The following ANK3 variants were observed in gnomAD, a reference collection of about 807,000 sequenced individuals.
ANK3 encodes ankyrin 3, also known as ankyrin-3.
Under a neutral mutation model 370.9 loss-of-function variants are expected in ANK3, and 57 were observed. That is an observed-to-expected ratio of 0.15 (90% CI 0.12 to 0.19). The LOEUF is 0.19. ANK3 is among the 10% of genes least tolerant of loss of function. ANK3 has a pLI of 1.00. For missense variants in ANK3, 4,439 were observed against 5,302.1 expected, an observed-to-expected ratio of 0.84 and a Z score of 5.06; for synonymous variants, 1,929 against 1,946.3, an observed-to-expected ratio of 0.99 and a Z score of 0.23.
intron 7 of ANK3, among the ~76,000 whole-genome samples, chr10:60,239,261 A>T (rs1457248262): frequency 6.6e-6 from 1 of 152,138 alleles, no homozygotes; most frequent in African/African-American, 2.4e-5. Context: ...GGAGTGATGA[A>T]AGGCAGAAAA....
intron 1 of ANK3, among the ~76,000 whole-genome samples, chr10:60,717,396 T>G (rs780120528): frequency 3.9e-5 from 6 of 152,172 alleles, no homozygotes; most frequent in Non-Finnish European, 5.9e-5. Context: ...CAGAGTCTAG[T>G]GTAGACACAG....
intron 5 of ANK3, among the ~76,000 whole-genome samples, chr10:60,267,316 G>A (rs1350582114): frequency 3.3e-5 from 5 of 152,046 alleles, no homozygotes; most frequent in Non-Finnish European, 4.4e-5. Flanking sequence ...ATTTCCTGTT[G>A]TTGTTCTTAT....
intron 4 of ANK3, among the ~76,000 whole-genome samples, chr10:60,273,842 T>C (rs1417167886): frequency 6.6e-6 from 1 of 152,214 alleles, no homozygotes; most frequent in African/African-American, 2.4e-5. Flanking sequence ...CCTGCCACCA[T>C]GTAAAATGTG....
intron 7 of ANK3, among the ~76,000 whole-genome samples, chr10:60,248,404 AT>A (rs891230582): frequency 9.2e-5 from 14 of 152,020 alleles, no homozygotes; most frequent in African/African-American, 1.7e-4. Context: ...TTAAATATAT[AT>A]TTTTTCAGGC....
In ANK3 at chr10:60,237,372, C is replaced by T. The variant is rs566334820; in HGVS notation, c.799-2586G>A. Among the ~76,000 whole-genome samples, 72 of 152,258 alleles carry T rather than the reference C, an allele frequency of 4.7e-4. 3 individuals are homozygous for T. The Middle Eastern group carries it at 0.02, about 43-fold the overall frequency. On this transcript the variant is annotated intron_variant, in intron 7 of 43. Transcript: ENST00000280772. ...ACTGAGCCCCAAGTGGGACGTGACACGAAGACCTCATCACTTCCCAGTGTG... is the reference window on the plus strand; with the variant it reads ...ACTGAGCCCCAAGTGGGACGTGACATGAAGACCTCATCACTTCCCAGTGTG...
Position 60,159,851 on chromosome 10 carries a change from T to A in ANK3, c.2614+6740A>T, listed in dbSNP as rs537375444. Among the ~76,000 whole-genome samples the A allele has an allele frequency of 2.6e-4, 39 of 152,038 alleles. 1 individual carries two copies. The Middle Eastern group carries it at 0.01, about 40-fold the overall frequency. ...CAACGAATAAATTAAAAAGAAAATTTTTAAAATTTCTTGAAACAAAAGAAA... is the reference window on the plus strand; with the variant it reads ...CAACGAATAAATTAAAAAGAAAATTATTAAAATTTCTTGAAACAAAAGAAA... On this transcript the variant is annotated intron_variant, in intron 23 of 43. Transcript: ENST00000280772.
At chr10:60,274,259 A>G (rs1198026181) in intron 4 of ANK3, among the ~76,000 whole-genome samples, 1 of 152,116 alleles carries the variant, frequency 6.6e-6, no homozygotes, top group African/African-American at 2.4e-5. Context: ...AGGCATGAAC[A>G]CTGTGCTTGG....
intron 25 of ANK3, among the ~76,000 whole-genome samples, chr10:60,120,543 A>G (rs919991912): frequency 4.6e-5 from 7 of 152,284 alleles, no homozygotes; most frequent in African/African-American, 1.7e-4. Flanking sequence ...ACAGAATGGG[A>G]GAATGTATTG....
At chr10:60,598,603 T>C (rs10509131) in intron 2 of ANK3, among the ~76,000 whole-genome samples, 100,567 of 152,064 alleles carry the variant, frequency 0.66, 34,267 homozygotes, top group South Asian at 0.89. Flanking sequence ...TGTGACTATA[T>C]TTAGTTATTC....
At chr10:60,686,640 C>T (rs1372714) in intron 1 of ANK3, among the ~76,000 whole-genome samples, 102,085 of 152,008 alleles carry the variant, frequency 0.67, 34,420 homozygotes, top group South Asian at 0.83. Context: ...GGTATTATTA[C>T]ATTTTTACTT....
At chr10:60,388,444 T>G (rs2062722723) in intron 1 of ANK3, among the ~76,000 whole-genome samples, 1 of 152,232 alleles carries the variant, frequency 6.6e-6, no homozygotes, top group Admixed American at 6.5e-5. Context: ...TAAGGATATC[T>G]TTCCTTTGGG....
chr10:60,684,526 C>T lies in ANK3; in HGVS notation c.57+48737G>A, dbSNP rs563096503. On this transcript the variant is annotated intron_variant, in intron 1 of 43. Coordinates refer to the ANK3 transcript ENST00000373827. ...GGAAATGGGGAATGGACTATCAGAC[C>T]AGACTTCTATCCTGTCCAGTCTGCC... 27 of 1,544,352 alleles carry T rather than the reference C, an allele frequency of 1.7e-5. No homozygotes were observed. The South Asian group carries it at 2.9e-4, about 17-fold the overall frequency.
intron 1 of ANK3, among the ~76,000 whole-genome samples, chr10:60,725,314 C>T (rs538247524): frequency 6.6e-6 from 1 of 152,048 alleles, no homozygotes; most frequent in African/African-American, 2.4e-5. Context: ...ACTCAGTTAC[C>T]TCCCATTCCC....
At chr10:60,626,124 C>A (rs1439683886) in intron 1 of ANK3, among the ~76,000 whole-genome samples, 1 of 152,106 alleles carries the variant, frequency 6.6e-6, no homozygotes, top group African/African-American at 2.4e-5. Context: ...AGGCATAGAA[C>A]AAAACAGGGC....
chr10:60,521,728 ACTTTT>A (rs1310292288), intron 2 of ANK3, among the ~76,000 whole-genome samples: 1 of 152,066 alleles, frequency 6.6e-6, no homozygotes, highest in Non-Finnish European at 1.5e-5. Flanking sequence ...ATTTGAAATA[ACTTTT>A]TTCCTTTGTA....
rs61847581 is a variant in ANK3, at chr10:60,441,852, G to T, written c.97-162213C>A. 5.9e-3 allele frequency among the ~76,000 whole-genome samples: 896 copies of T among 152,054 alleles called. 7 individuals are homozygous for T. Among genetic ancestry groups the T allele is most frequent in the Middle Eastern group, 0.024 (7 of 294 alleles). On this transcript the variant is annotated intron_variant, in intron 2 of 43. Coordinates refer to the ANK3 transcript ENST00000373827. ...TTTCTCTGCCATATAAACTAACCAA[G>T]AGAATTTGGGATATATTCTCTTTCC...
At chr10:60,290,687 A>C (rs2132751262) in intron 1 of ANK3, among the ~76,000 whole-genome samples, 1 of 152,176 alleles carries the variant, frequency 6.6e-6, no homozygotes, top group African/African-American at 2.4e-5. Context: ...GACCCCTAAC[A>C]CATGTTAGGC....
chr10:60,280,667 T>C (rs1291519638), intron 1 of ANK3, among the ~76,000 whole-genome samples: 4 of 152,190 alleles, frequency 2.6e-5, no homozygotes, highest in South Asian at 2.1e-4. Context: ...TACAGTACAA[T>C]ACAAAAGCAG....
intron 2 of ANK3, among the ~76,000 whole-genome samples, chr10:60,466,315 T>C (rs2065010792): frequency 6.6e-6 from 1 of 152,174 alleles, no homozygotes; most frequent in Admixed American, 6.6e-5. Context: ...GAGGTGTTTC[T>C]AATAATGACA....
Sources: allele counts gnomAD v4.1 joint callset (sites outside exome capture counted in the v4.1 genomes callset), GRCh38; gene constraint gnomAD v4.1.1; transcripts MANE v1.5; gene names NCBI Gene and HGNC (gene_info 2026-07-23, HGNC 2026-07-21).